Variants in NALF1 observed in about 807,000 individuals in gnomAD.
NALF1 encodes family with sequence similarity 155 member A.
A neutral mutation model predicts 48.4 loss-of-function variants in NALF1; 3 were observed. The ratio of observed to expected loss-of-function variants is 0.06; its 90% CI spans 0.03 to 0.16. The LOEUF (loss-of-function observed/expected upper bound fraction) is 0.16, where lower values mean the gene tolerates loss of function less well. NALF1 is among the 10% of genes least tolerant of loss of function. The pLI is 1.00. For missense variants in NALF1, 526 were observed against 571.5 expected (o/e 0.92, Z 0.81); for synonymous variants, 262 against 245.7 (o/e 1.07, Z -0.62).
intron 1 of NALF1, among the ~76,000 whole-genome samples, chr13:107,603,459 A>C (rs922333470): frequency 3.3e-5 from 5 of 152,218 alleles, no homozygotes; most frequent in African/African-American, 1.2e-4. Flanking sequence ...TAGAGATAAA[A>C]GTCATCAACA....
intron 1 of NALF1, among the ~76,000 whole-genome samples, chr13:107,524,345 G>T (rs1876355498): frequency 6.6e-6 from 1 of 152,178 alleles, no homozygotes; most frequent in Non-Finnish European, 1.5e-5. Flanking sequence ...CAGAAGTAGA[G>T]GTTTGAGAGC....
chr13:107,511,426 G>A lies in NALF1; in HGVS notation c.916-300671C>T, dbSNP rs142354287. Among the ~76,000 whole-genome samples, 58 of 152,234 alleles carry A rather than the reference G, an allele frequency of 3.8e-4. No homozygotes were observed. The East Asian group carries it at 7.9e-3, about 21-fold the overall frequency. ...TTGGCAAGCAAAATCTATAGAGGAGGAGAAAACATATGCAAATGTGCAGAG... is the reference window on the plus strand; with the variant it reads ...TTGGCAAGCAAAATCTATAGAGGAGAAGAAAACATATGCAAATGTGCAGAG... On this transcript the variant is annotated intron_variant, in intron 1 of 2. Transcript: ENST00000375915.
At chr13:107,318,572 G>A (rs1424675157) in intron 1 of NALF1, among the ~76,000 whole-genome samples, 2 of 152,054 alleles carry the variant, frequency 1.3e-5, no homozygotes, top group Admixed American at 1.3e-4. Context: ...CGGAAGGAGA[G>A]GAGTAATGGA....
At chr13:107,621,964 T>C (rs919905679) in intron 1 of NALF1, among the ~76,000 whole-genome samples, 4 of 151,228 alleles carry the variant, frequency 2.6e-5, no homozygotes, top group African/African-American at 9.7e-5. Flanking sequence ...CTGTGATTCA[T>C]GGAATGACAT....
chr13:107,589,225 G>A (rs931071458), intron 1 of NALF1, among the ~76,000 whole-genome samples: 3 of 151,872 alleles, frequency 2.0e-5, no homozygotes, highest in Non-Finnish European at 2.9e-5. Flanking sequence ...TGGCTCACTC[G>A]GAGTTTTTAG....
At chr13:107,741,152 TC>T (rs1383935664) in intron 1 of NALF1, among the ~76,000 whole-genome samples, 2 of 152,192 alleles carry the variant, frequency 1.3e-5, no homozygotes, top group Admixed American at 6.5e-5. Flanking sequence ...TCTGGGCTCA[TC>T]CACAGCACAT....
At chr13:107,316,863 T>A (rs1857021697) in intron 1 of NALF1, among the ~76,000 whole-genome samples, 1 of 152,034 alleles carries the variant, frequency 6.6e-6, no homozygotes, top group Non-Finnish European at 1.5e-5. Context: ...TACTTGCAAC[T>A]GGCTGCCTAC....
At chr13:107,708,247 T>C (rs1875462190) in intron 1 of NALF1, among the ~76,000 whole-genome samples, 1 of 152,178 alleles carries the variant, frequency 6.6e-6, no homozygotes, top group Non-Finnish European at 1.5e-5. Flanking sequence ...TGATCCTTAT[T>C]TAGAAACTAC....
intron 1 of NALF1, among the ~76,000 whole-genome samples, chr13:107,322,717 A>G (rs1882280838): frequency 6.6e-6 from 1 of 152,154 alleles, no homozygotes; most frequent in Admixed American, 6.6e-5. Flanking sequence ...TTTATGCTTC[A>G]AATTTCATAA....
chr13:107,730,534 T>C (rs1434868988), intron 1 of NALF1, among the ~76,000 whole-genome samples: 1 of 152,230 alleles, frequency 6.6e-6, no homozygotes, highest in Admixed American at 6.5e-5. Flanking sequence ...GGAATCGAAA[T>C]GAGTCTCTAA....
intron 1 of NALF1, among the ~76,000 whole-genome samples, chr13:107,823,899 G>A (rs978866379): frequency 6.6e-6 from 1 of 152,088 alleles, no homozygotes; most frequent in African/African-American, 2.4e-5. Flanking sequence ...AGGCTGTTGG[G>A]AGAAATCAAT....
chr13:107,317,116 G>A (rs1882165572), intron 1 of NALF1, among the ~76,000 whole-genome samples: 1 of 152,054 alleles, frequency 6.6e-6, no homozygotes, highest in Non-Finnish European at 1.5e-5. Context: ...TTCTGATTTT[G>A]CAAGAACTCA....
intron 1 of NALF1, among the ~76,000 whole-genome samples, chr13:107,228,348 G>C (rs1198915900): frequency 6.6e-6 from 1 of 152,158 alleles, no homozygotes; most frequent in Non-Finnish European, 1.5e-5. Context: ...CAAAGAAGTA[G>C]AGGGTGGAAA....
intron 1 of NALF1, among the ~76,000 whole-genome samples, chr13:107,517,743 T>A (rs1360909683): frequency 6.6e-6 from 1 of 151,990 alleles, no homozygotes; most frequent in Non-Finnish European, 1.5e-5. Context: ...TTATCTGAGG[T>A]CAGGTGTTCG....
chr13:107,459,406 T>A (rs1157721680), intron 1 of NALF1, among the ~76,000 whole-genome samples: 4 of 151,860 alleles, frequency 2.6e-5, no homozygotes, highest in South Asian at 4.2e-4. Context: ...TATATATATA[T>A]AAGGCCTGTT....
chr13:107,826,589 CT>C (rs1288183215), intron 1 of NALF1, among the ~76,000 whole-genome samples: 2 of 152,182 alleles, frequency 1.3e-5, no homozygotes, highest in African/African-American at 4.8e-5. Context: ...CTTATAAACA[CT>C]TTTCAGTAAG....
intron 1 of NALF1, among the ~76,000 whole-genome samples, chr13:107,371,044 C>T (rs561660857): frequency 2.6e-5 from 4 of 152,218 alleles, no homozygotes; most frequent in South Asian, 2.1e-4. Context: ...GTGGGGACAC[C>T]GCCAAACCAT....
intron 1 of NALF1, among the ~76,000 whole-genome samples, chr13:107,246,102 G>A (rs1300601112): frequency 6.6e-6 from 1 of 152,088 alleles, no homozygotes; most frequent in Non-Finnish European, 1.5e-5. Context: ...GAAACCCAGA[G>A]CATTTTGCAT....
chr13:107,691,458 T>C (rs2138504356), intron 1 of NALF1, among the ~76,000 whole-genome samples: 1 of 152,350 alleles, frequency 6.6e-6, no homozygotes, highest in East Asian at 1.9e-4. Context: ...TGTAAGGATA[T>C]GGCCCACACG....
Sources: gnomAD v4.1 joint callset for allele counts (sites outside exome capture counted in the v4.1 genomes callset) on GRCh38, gnomAD v4.1.1 for gene constraint, MANE v1.5 for transcripts, NCBI Gene and HGNC (gene_info 2026-07-23, HGNC 2026-07-21) for gene names.